The following TEK variants were observed in gnomAD, a reference collection of about 807,000 sequenced individuals.
TEK encodes the protein TEK receptor tyrosine kinase, also known as angiopoietin-1 receptor.
TEK carries 43 observed loss-of-function variants against 131.8 expected under a neutral mutation model. The ratio of observed to expected loss-of-function variants is 0.33; its 90% CI spans 0.26 to 0.42. TEK has a LOEUF of 0.42. TEK is among the 10% of genes least tolerant of loss of function. TEK has a pLI of 1.00. For synonymous variants in TEK, 580 were observed against 491.6 expected (o/e 1.18, Z -2.38); for missense variants, 1,162 against 1,384.4 (o/e 0.84, Z 2.55).
intron 1 of TEK, among the ~76,000 whole-genome samples, chr9:27,117,831 C>A (rs746230571): frequency 6.6e-6 from 1 of 152,198 alleles, no homozygotes; most frequent in Non-Finnish European, 1.5e-5. Context: ...TCACACCCAT[C>A]TCAGCAGATC....
chr9:27,143,426 G>A lies in TEK; in HGVS notation c.53-14405G>A, dbSNP rs182341637. Among the ~76,000 whole-genome samples, 193 of 152,288 alleles carry A rather than the reference G, an allele frequency of 1.3e-3. 2 individuals carry two copies. Among genetic ancestry groups the A allele is most frequent in the African/African-American group, 4.4e-3 (182 of 41,564 alleles). On this transcript the variant is annotated intron_variant, in intron 1 of 22. Coordinates refer to ENST00000380036, the MANE Select transcript of TEK (RefSeq NM_000459.5). ...GTGGAGAAGGGAGGAGAGCAGCCAG[G>A]GAGGGGGCACACCTTGTCAGAATGA...
In TEK at chr9:27,184,315, G is replaced by A. The variant is rs180922807; in HGVS notation, c.1182+705G>A. On this transcript the variant is annotated intron_variant, in intron 8 of 22. Coordinates refer to ENST00000380036, the MANE Select transcript of TEK (RefSeq NM_000459.5). ...CTCTCTCCCAACTATACCAAATGCA[G>A]CAGAGACAGGAGCCACCCCAAATTT... 1.2e-3 allele frequency among the ~76,000 whole-genome samples: 187 copies of A among 152,260 alleles called. 1 individual carries two copies. Among genetic ancestry groups the A allele is most frequent in the African/African-American group, 4.4e-3 (183 of 41,552 alleles).
intron 1 of TEK, among the ~76,000 whole-genome samples, chr9:27,111,411 C>G (rs1821340447): frequency 6.6e-6 from 1 of 152,088 alleles, no homozygotes; most frequent in Admixed American, 6.5e-5. Context: ...GCCATAGGAG[C>G]CCGTTCCTCT....
At chr9:27,213,423 A>G (rs1021511581) in intron 17 of TEK, 61 bp from the exon 18 acceptor site, 2 of 1,262,628 alleles carry the variant, frequency 1.6e-6, no homozygotes, top group Non-Finnish European at 2.3e-6. Context: ...CTGTTCCCCA[A>G]AGTTTTCAGC....
chr9:27,144,077 A>G (rs1822826738), intron 1 of TEK, among the ~76,000 whole-genome samples: 2 of 152,184 alleles, frequency 1.3e-5, no homozygotes, highest in East Asian at 3.9e-4. Context: ...AGGTCAAGAG[A>G]TCGATACCAT....
chr9:27,220,026 G>C (rs773075051), intron 20 of TEK, 23 bp from the exon 21 acceptor site: 3 of 1,612,144 alleles, frequency 1.9e-6, no homozygotes, highest in East Asian at 4.5e-5. Context: ...AGAGGACTTA[G>C]AGTGGCACTG....
At chr9:27,110,846 G>A (rs1327550854) in intron 1 of TEK, among the ~76,000 whole-genome samples, 7 of 151,954 alleles carry the variant, frequency 4.6e-5, no homozygotes, top group East Asian at 1.9e-4. Context: ...GTATTTATGT[G>A]GAAATTGTTT....
chr9:27,149,481 A>G (rs556943685), intron 1 of TEK, among the ~76,000 whole-genome samples: 1 of 152,194 alleles, frequency 6.6e-6, no homozygotes, highest in African/African-American at 2.4e-5. Flanking sequence ...CCTTTTCTAC[A>G]TGGTATAATC....
At chr9:27,123,924 A>C (rs4242697) in intron 1 of TEK, among the ~76,000 whole-genome samples, 39,961 of 152,058 alleles carry the variant, frequency 0.26, 5,833 homozygotes, top group Admixed American at 0.32. Context: ...TTACAGGTGC[A>C]CACCACCACA....
At chr9:27,200,686 A>T (rs900547144) in intron 12 of TEK, among the ~76,000 whole-genome samples, 3 of 152,212 alleles carry the variant, frequency 2.0e-5, no homozygotes, top group Admixed American at 6.5e-5. Flanking sequence ...TAGCAATTAC[A>T]TCTGGTCCAG....
At chr9:27,138,945 C>G (rs959909408) in intron 1 of TEK, among the ~76,000 whole-genome samples, 6 of 152,040 alleles carry the variant, frequency 3.9e-5, no homozygotes, top group African/African-American at 1.4e-4. Flanking sequence ...CACGGTGGCT[C>G]AAGCCTGTAA....
intron 14 of TEK, among the ~76,000 whole-genome samples, chr9:27,205,855 C>G (rs1308584824): frequency 6.6e-6 from 1 of 152,108 alleles, no homozygotes; most frequent in South Asian, 2.1e-4. Context: ...GTGCATGAGT[C>G]CCCGAGTTTC....
chr9:27,203,230 T>G, intron 13 of TEK, 111 bp downstream of exon 13: 1 of 1,190,818 alleles, frequency 8.4e-7, no homozygotes, highest in Non-Finnish European at 1.2e-6. Flanking sequence ...GGTGGTTGAA[T>G]GGACAGGCAT....
intron 16 of TEK, among the ~76,000 whole-genome samples, chr9:27,211,515 C>T (rs78802616): frequency 0.042 from 5,903 of 140,148 alleles, 141 homozygotes; most frequent in East Asian, 0.086. Context: ...TGCAGTAGCA[C>T]GATGTCAGCC....
chr9:27,134,051 T>C (rs1287192063), intron 1 of TEK, among the ~76,000 whole-genome samples: 1 of 152,190 alleles, frequency 6.6e-6, no homozygotes, highest in Non-Finnish European at 1.5e-5. Flanking sequence ...GGCTGTAGAC[T>C]GGAAACCAGA....
At chr9:27,208,352 T>C (rs1216480735) in intron 15 of TEK, among the ~76,000 whole-genome samples, 1 of 152,050 alleles carries the variant, frequency 6.6e-6, no homozygotes, top group Non-Finnish European at 1.5e-5. Flanking sequence ...TGTGTGTTTT[T>C]TTTTTTAAAG....
At chr9:27,143,173 G>A (rs1822791552) in intron 1 of TEK, among the ~76,000 whole-genome samples, 1 of 152,160 alleles carries the variant, frequency 6.6e-6, no homozygotes, top group South Asian at 2.1e-4. Flanking sequence ...ATGAGCGTAG[G>A]TAGACCTAAA....
chr9:27,195,663 C>T (rs1368507151), intron 11 of TEK: 2 of 455,968 alleles, frequency 4.4e-6, no homozygotes, highest in South Asian at 1.5e-5. Flanking sequence ...ACTATTTCCT[C>T]CTTTGTCCAG....
Position 27,173,204 on chromosome 9 carries a change from TTTC to T in TEK, c.761-15_761-13del. 6.2e-7 allele frequency: 1 copy of T among 1,613,922 alleles called. No homozygotes were observed. Among genetic ancestry groups the T allele is most frequent in the African/African-American group, 1.3e-5 (1 of 75,028 alleles). ...TTGCATATTTGACTCTGAATCATCT[TTTC>T]TTTTCCTCCCAAAGCTTGTGAACTG... On this transcript the variant is annotated splice_polypyrimidine_tract_variant and intron_variant, in intron 5 of 22. Transcript: ENST00000380036.
Sources: gnomAD v4.1 joint callset for allele counts (sites outside exome capture counted in the v4.1 genomes callset) on GRCh38, gnomAD v4.1.1 for gene constraint, MANE v1.5 for transcripts, NCBI Gene and HGNC (gene_info 2026-07-23, HGNC 2026-07-21) for gene names.